The following GRIN2B variants were observed in gnomAD, a reference collection of about 807,000 sequenced individuals.
GRIN2B encodes glutamate ionotropic receptor NMDA type subunit 2B, also known as glutamate receptor ionotropic, NMDA 2B.
GRIN2B carries 5 observed loss-of-function variants against 114.5 expected under a neutral mutation model. That is an observed-to-expected ratio of 0.04 (90% confidence interval 0.02 to 0.09). The LOEUF (loss-of-function observed/expected upper bound fraction) is 0.09, where lower values mean the gene tolerates loss of function less well. Among genes scored for constraint, GRIN2B ranks in the 10% least tolerant of loss-of-function variants. GRIN2B has a pLI of 1.00. For missense variants in GRIN2B, 1,108 were observed against 1,943.5 expected (o/e 0.57, Z 8.08); for synonymous variants, 787 against 745.1 (o/e 1.06, Z -0.92).
At position 13,590,608 on chromosome 12, in the gene GRIN2B, A is replaced by G. The variant is rs141314861; in HGVS notation, c.2010+17995T>C. On this transcript the variant is annotated intron_variant, in intron 10 of 13. Coordinates refer to ENST00000609686, the MANE Select transcript of GRIN2B (RefSeq NM_000834.5). ...TTTTTTTATGGCTGCATAGTATTCCATGGTGTGTAAGTGCCACATTTTCTT... is the reference window on the plus strand; with the variant it reads ...TTTTTTTATGGCTGCATAGTATTCCGTGGTGTGTAAGTGCCACATTTTCTT... 6.2e-3 allele frequency among the ~76,000 whole-genome samples: 939 copies of G among 152,240 alleles called. 10 individuals carry two copies. Among genetic ancestry groups the G allele is most frequent in the African/African-American group, 0.022 (903 of 41,522 alleles).
intron 2 of GRIN2B, among the ~76,000 whole-genome samples, chr12:13,941,778 T>A (rs1867259437): frequency 6.6e-6 from 1 of 152,220 alleles, no homozygotes; most frequent in Non-Finnish European, 1.5e-5. Context: ...TCTACGTGTG[T>A]GCAAACCATG....
At chr12:13,626,038 A>G (rs561645807) in intron 5 of GRIN2B, among the ~76,000 whole-genome samples, 95 of 151,982 alleles carry the variant, frequency 6.3e-4, no homozygotes, top group Non-Finnish European at 4.1e-4. Flanking sequence ...CCAAGCCACA[A>G]CTCTCCATCC....
chr12:13,634,294 C>T (rs1007150626), intron 5 of GRIN2B: 3 of 152,206 alleles, frequency 2.0e-5, no homozygotes, highest in African/African-American at 7.2e-5. Flanking sequence ...GACGTTATAA[C>T]TTCCAGTGTA....
intron 3 of GRIN2B, among the ~76,000 whole-genome samples, chr12:13,769,376 T>C (rs1231794197): frequency 1.3e-5 from 2 of 152,168 alleles, no homozygotes; most frequent in Admixed American, 6.5e-5. Context: ...TGGCTTTTTT[T>C]TGTCACACGG....
intron 8 of GRIN2B, among the ~76,000 whole-genome samples, chr12:13,612,785 C>T (rs1051151832): frequency 1.3e-5 from 2 of 152,166 alleles, no homozygotes; most frequent in African/African-American, 4.8e-5. Flanking sequence ...GGGACAATCA[C>T]TATTCTGTCC....
At chr12:13,738,163 T>G (rs1468150424) in intron 4 of GRIN2B, among the ~76,000 whole-genome samples, 1 of 152,160 alleles carries the variant, frequency 6.6e-6, no homozygotes, top group Non-Finnish European at 1.5e-5. Context: ...TGTCTTATTC[T>G]AAACACTGCT....
intron 5 of GRIN2B, among the ~76,000 whole-genome samples, chr12:13,658,709 A>C (rs779682875): frequency 2.6e-5 from 4 of 152,162 alleles, no homozygotes; most frequent in Non-Finnish European, 5.9e-5. Flanking sequence ...TGAGTTTTAA[A>C]CAATGAGTAA....
chr12:13,721,362 A>AG (rs1950506876), intron 4 of GRIN2B, among the ~76,000 whole-genome samples: 3 of 151,928 alleles, frequency 2.0e-5, no homozygotes, highest in Non-Finnish European at 4.4e-5. Context: ...TAAAAAAAAA[A>AG]ATTATTCTGG....
At chr12:13,766,523 A>G (rs1009809563) in intron 3 of GRIN2B, among the ~76,000 whole-genome samples, 10 of 152,202 alleles carry the variant, frequency 6.6e-5, no homozygotes, top group African/African-American at 2.4e-4. Context: ...GTGGACAATG[A>G]GCCTCTGATA....
chr12:13,817,722 C>T (rs1425336306), intron 3 of GRIN2B, among the ~76,000 whole-genome samples: 3 of 152,040 alleles, frequency 2.0e-5, no homozygotes, highest in African/African-American at 7.2e-5. Context: ...AAGGAGAGCC[C>T]ACATATATAG....
At chr12:13,934,398 A>T (rs1867091719) in intron 2 of GRIN2B, among the ~76,000 whole-genome samples, 1 of 152,232 alleles carries the variant, frequency 6.6e-6, no homozygotes, top group South Asian at 2.1e-4. Context: ...TTTTCTTCAC[A>T]AAATTCGTTA....
chr12:13,816,968 G>A (rs998386575), intron 3 of GRIN2B, among the ~76,000 whole-genome samples: 27 of 152,068 alleles, frequency 1.8e-4, no homozygotes, highest in African/African-American at 6.3e-4. Context: ...CCATGCATTG[G>A]GTTCTTTTAT....
At chr12:13,658,228 G>C (rs1591662370) in intron 5 of GRIN2B, among the ~76,000 whole-genome samples, 1 of 149,086 alleles carries the variant, frequency 6.7e-6, no homozygotes, top group African/African-American at 2.5e-5. Context: ...AAGCTAAAAA[G>C]CCAACCCACA....
In GRIN2B at chr12:13,540,659, C is replaced by A. The variant is rs1948265746; in HGVS notation, c.*22124G>T. On this transcript the variant is annotated 3_prime_UTR_variant, in exon 14 of 14. Coordinates refer to ENST00000609686, the MANE Select transcript of GRIN2B (RefSeq NM_000834.5). ...AAAATAAAAAGACCCAGTCATCCGC[C>A]CCTCCCCCCACTCCAGAATCTCAAT... 6.6e-6 allele frequency: 1 copy of A among 151,966 alleles called. No homozygotes were observed. Among genetic ancestry groups the A allele is most frequent in the South Asian group, 2.1e-4 (1 of 4,816 alleles). 9.4% of individuals were successfully genotyped at this position (151,966 alleles called of 1,614,324 possible).
chr12:13,771,934 G>A (rs1442710614), intron 3 of GRIN2B, among the ~76,000 whole-genome samples: 1 of 152,214 alleles, frequency 6.6e-6, no homozygotes, highest in East Asian at 1.9e-4. Context: ...TTCTGAATAT[G>A]TCAGAACACT....
intron 2 of GRIN2B, among the ~76,000 whole-genome samples, chr12:13,871,504 A>G (rs1205878508): frequency 6.6e-6 from 1 of 151,966 alleles, no homozygotes; most frequent in African/African-American, 2.4e-5. Context: ...GAGCACAATT[A>G]AAGCATTTAC....
chr12:13,675,740 C>T lies in GRIN2B; in HGVS notation c.1125+5G>A, dbSNP rs3751257. 291 of 1,549,282 alleles carry T rather than the reference C, an allele frequency of 1.9e-4. 4 individuals are homozygous for T. In the East Asian group the frequency reaches 6.4e-3, roughly 34 times the overall value. ...TGCTCAAGAATTGTCAAAGACATGT[C>T]TTACCCTTTCCCACTTCCTCTCCTT... On this transcript the variant is annotated splice_donor_5th_base_variant and intron_variant, in intron 5 of 13. Coordinates refer to ENST00000609686, the MANE Select transcript of GRIN2B (RefSeq NM_000834.5).
At chr12:13,754,058 T>C (rs1284392645) in intron 3 of GRIN2B, 143 bp from the exon 4 acceptor site, 2 of 605,010 alleles carry the variant, frequency 3.3e-6, no homozygotes, top group Non-Finnish European at 2.9e-6. Context: ...GTATTTACAA[T>C]AAATATTTTT....
At chr12:13,979,710 T>C (rs1198280228) in intron 2 of GRIN2B, among the ~76,000 whole-genome samples, 2 of 151,924 alleles carry the variant, frequency 1.3e-5, no homozygotes, top group Non-Finnish European at 2.9e-5. Context: ...CCACCCCCAC[T>C]GCCCCCCAAA....
Sources: gnomAD v4.1 joint callset for allele counts (sites outside exome capture counted in the v4.1 genomes callset) on GRCh38, gnomAD v4.1.1 for gene constraint, MANE v1.5 for transcripts, NCBI Gene and HGNC (gene_info 2026-07-23, HGNC 2026-07-21) for gene names.